The following GNAI2 variants were observed in gnomAD, a reference collection of about 807,000 sequenced individuals.
GNAI2 encodes G protein subunit alpha i2, also known as guanine nucleotide-binding protein G(i) subunit alpha-2.
In GNAI2, 4 loss-of-function variants were observed where a neutral mutation model predicts 36.8. That is an observed-to-expected ratio of 0.11 (90% confidence interval 0.05 to 0.25). The LOEUF is 0.25. Ranked by LOEUF, GNAI2 falls within the 10% of genes least tolerant of loss-of-function variation. GNAI2 has a pLI of 1.00. For missense variants in GNAI2, 230 were observed against 481.3 expected (o/e 0.48, Z 4.89); for synonymous variants, 194 against 194.1 (o/e 1.00, Z 0.01).
upstream of GNAI2, among the ~76,000 whole-genome samples, chr3:50,234,211 C>A (rs189548054): frequency 6.8e-6 from 1 of 146,606 alleles, no homozygotes; most frequent in African/African-American, 2.5e-5. Flanking sequence ...GTACTACAGG[C>A]GCCCGCCACC....
In GNAI2 at chr3:50,253,194, C is replaced by T; in HGVS notation, c.464+10C>T. ...ACGACTCAGCTGCCTAGTGAGTGCT[C>T]TGAGGGGCTGGGCAGGGCAGGGCAG... On this transcript the variant is annotated intron_variant, in intron 4 of 8. Transcript: ENST00000313601. The surrounding 1 kb of genome is among the most constrained non-coding windows in gnomAD (Gnocchi z 4.2). The T allele has an allele frequency of 1.2e-6, 2 of 1,602,062 alleles. No homozygotes were observed. Among genetic ancestry groups the T allele is most frequent in the Non-Finnish European group, 1.7e-6 (2 of 1,170,404 alleles).
upstream of GNAI2, among the ~76,000 whole-genome samples, chr3:50,234,423 C>G: frequency 6.6e-6 from 1 of 151,144 alleles, no homozygotes; most frequent in South Asian, 2.1e-4. Flanking sequence ...ATGATCTCAG[C>G]TCACTGCAAC....
At position 50,247,153 on chromosome 3, in the gene GNAI2, A is replaced by T. The variant is rs1559770581; in HGVS notation, c.119-4947A>T. On this transcript the variant is annotated intron_variant, in intron 1 of 8. Coordinates refer to ENST00000313601, the MANE Select transcript of GNAI2 (RefSeq NM_002070.4). ...ACCTGAATGCTCACATGTGCCCCACACTGTGAGAAGAGCTTTGCATTTAAT... is the reference window on the plus strand; with the variant it reads ...ACCTGAATGCTCACATGTGCCCCACTCTGTGAGAAGAGCTTTGCATTTAAT... 4 of 695,532 alleles carry T rather than the reference A, an allele frequency of 5.8e-6. No individual in the cohort carries two copies. The East Asian group carries it at 1.1e-4, about 19-fold the overall frequency. The allele number at this position is 695,532 out of a possible 1,614,324, so 43.1% of individuals were successfully genotyped here.
At position 50,252,660 on chromosome 3, in the gene GNAI2, T is replaced by G; in HGVS notation, c.303+122T>G. ...GCCGAGGCGGGTGGATCACCTGAGGTCAGGACCAGCCTGGCCAACTTGGTG... is the reference window on the plus strand; with the variant it reads ...GCCGAGGCGGGTGGATCACCTGAGGGCAGGACCAGCCTGGCCAACTTGGTG... On this transcript the variant is annotated intron_variant, in intron 3 of 8. Coordinates refer to ENST00000313601, the MANE Select transcript of GNAI2 (RefSeq NM_002070.4). The surrounding 1 kb of genome is among the most constrained non-coding windows in gnomAD (Gnocchi z 4.1). 1.2e-6 allele frequency: 1 copy of G among 824,780 alleles called. No individual in the cohort carries two copies. The highest frequency in any genetic ancestry group is 1.9e-6 in the Non-Finnish European group (1 of 519,914). 51.1% of individuals were successfully genotyped at this position (824,780 alleles called of 1,614,324 possible).
At chr3:50,237,415 A>C (rs1450448352) in intron 1 of GNAI2, among the ~76,000 whole-genome samples, 1 of 152,152 alleles carries the variant, frequency 6.6e-6, no homozygotes, top group Admixed American at 6.5e-5. Context: ...TGGCTGCTAG[A>C]GGAGTGGGGG....
chr3:50,232,096 G>A (rs587694709), upstream of GNAI2, among the ~76,000 whole-genome samples: 15 of 151,628 alleles, frequency 9.9e-5, no homozygotes, highest in African/African-American at 3.4e-4. Flanking sequence ...TTGGGAGGCC[G>A]AGGCAGGCAG....
rs1431264220 is a variant in GNAI2 at position 50,252,262 on chromosome 3, A to G, written c.161+120A>G. On this transcript the variant is annotated intron_variant, in intron 2 of 8. Transcript: ENST00000313601. This position sits in a 1 kb window ranked among gnomAD's most constrained non-coding sequence, Gnocchi z 4.1. Reference sequence around the variant, plus strand: ...TTAGCCAGGCCCAGAATCTTCTGAGAAGCAGAAGGACCCTCAGGTCCCAGT... The same window carrying G: ...TTAGCCAGGCCCAGAATCTTCTGAGGAGCAGAAGGACCCTCAGGTCCCAGT... 7.2e-7 allele frequency: 1 copy of G among 1,388,472 alleles called. No homozygotes were observed. The highest frequency in any genetic ancestry group is 1.0e-6 in the Non-Finnish European group (1 of 984,146). The allele number at this position is 1,388,472 out of a possible 1,614,324, so 86.0% of individuals were successfully genotyped here. A position where few individuals can be genotyped will look rare whatever the true frequency, so the allele number is the denominator to read the frequency against.
rs1212504651 is a variant in GNAI2, at chr3:50,255,127, C to T, written c.465-1065C>T. 6.6e-6 allele frequency among the ~76,000 whole-genome samples: 1 copy of T among 152,202 alleles called. No individual in the cohort carries two copies. The highest frequency in any genetic ancestry group is 2.4e-5 in the African/African-American group (1 of 41,450). On this transcript the variant is annotated intron_variant, in intron 4 of 8. Transcript: ENST00000313601. This position sits in a 1 kb window ranked among gnomAD's most constrained non-coding sequence, Gnocchi z 4.0. ...TGTTTTGTCCCTGCTACTCTGAGAT[C>T]ATTTCCCTCTGGCCTGGTTTGGCCT...
chr3:50,251,536 G>T, intron 1 of GNAI2: 6 of 1,168,560 alleles, frequency 5.1e-6, no homozygotes, highest in Non-Finnish European at 6.5e-6. Context: ...CATCTGCTCA[G>T]GGCAGACCTG....
Position 50,258,794 on chromosome 3 carries a change from G to C in GNAI2, c.*451G>C. ...CCAGTCCCCCAACCCCAGCCGCTCG[G>C]AGGCCCCAAAGGAAAAAGCACAAGA... On this transcript the variant is annotated 3_prime_UTR_variant, in exon 9 of 9. Transcript: ENST00000313601. 2.5e-6 allele frequency: 1 copy of C among 398,538 alleles called. No individual in the cohort carries two copies. Among genetic ancestry groups the C allele is most frequent in the South Asian group, 1.8e-5 (1 of 54,084 alleles). 24.7% of individuals were successfully genotyped at this position (398,538 alleles called of 1,614,324 possible). A position where few individuals can be genotyped will look rare whatever the true frequency, so the allele number is the denominator to read the frequency against.
intron 1 of GNAI2, among the ~76,000 whole-genome samples, chr3:50,246,202 G>A (rs587768602): frequency 2.0e-5 from 3 of 152,350 alleles, no homozygotes; most frequent in African/African-American, 7.2e-5. Flanking sequence ...CATGGTTTCT[G>A]TGTGTGCCGA....
chr3:50,246,578 C>T (rs1363579844), intron 1 of GNAI2, among the ~76,000 whole-genome samples: 10 of 152,178 alleles, frequency 6.6e-5, no homozygotes, highest in Admixed American at 5.2e-4. Context: ...GCAGTGTGGG[C>T]GGGCCTGGTG....
chr3:50,233,329 C>T (rs367650225), upstream of GNAI2, among the ~76,000 whole-genome samples: 3 of 152,176 alleles, frequency 2.0e-5, no homozygotes, highest in East Asian at 5.8e-4. Context: ...GTCTGTGTTG[C>T]GCCCACCTAC....
upstream of GNAI2, chr3:50,227,098 G>C: frequency 2.2e-6 from 3 of 1,334,158 alleles, no homozygotes; most frequent in Non-Finnish European, 2.9e-6. The surrounding 1 kb of genome is among the most constrained non-coding windows in gnomAD (Gnocchi z 5.9). Flanking sequence ...CTGTGAAGTG[G>C]AAGCGCGAGA....
chr3:50,256,172 C>CT lies in GNAI2; in HGVS notation c.465-19dup. The CT allele has an allele frequency of 2.5e-5, 33 of 1,345,612 alleles. No individual in the cohort carries two copies. Among genetic ancestry groups the CT allele is most frequent in the Admixed American group, 2.3e-4 (13 of 56,018 alleles). The allele number at this position is 1,345,612 out of a possible 1,614,324, so 83.4% of individuals were successfully genotyped here. On this transcript the variant is annotated intron_variant, in intron 4 of 8. Coordinates refer to ENST00000313601, the MANE Select transcript of GNAI2 (RefSeq NM_002070.4). Reference sequence around the variant, plus strand: ...AGCCCCATGCTGGCCCCCACTGACCCTCCCACCCCCCATCCCCAGCTACCT... The same window carrying CT: ...AGCCCCATGCTGGCCCCCACTGACCCTTCCCACCCCCCATCCCCAGCTACCT...
intron 1 of GNAI2, among the ~76,000 whole-genome samples, chr3:50,243,964 C>T (rs139840863): frequency 3.0e-4 from 45 of 151,922 alleles, no homozygotes; most frequent in African/African-American, 6.0e-4. Flanking sequence ...GAAGGTGGGA[C>T]CCAAGACTCT....
chr3:50,256,622 A>T, intron 5 of GNAI2, 101 bp from the exon 6 acceptor site: 1 of 1,280,304 alleles, frequency 7.8e-7, no homozygotes, highest in Non-Finnish European at 1.1e-6. Flanking sequence ...TAGCTGCCCT[A>T]CTCTGGGCAG....
chr3:50,244,025 CTTTTTTTTTTTT>C, intron 1 of GNAI2, among the ~76,000 whole-genome samples: 1 of 120,402 alleles, frequency 8.3e-6, no homozygotes, highest in Non-Finnish European at 1.7e-5. Flanking sequence ...CCCTCCACTC[CTTTTTTTTTTTT>C]TTTTTTTTTG....
In GNAI2 at chr3:50,256,655, C is replaced by A. The variant is rs587692463; in HGVS notation, c.594-68C>A. 7.7e-6 allele frequency: 12 copies of A among 1,562,470 alleles called. No homozygotes were observed. The East Asian group carries it at 2.5e-4, about 32-fold the overall frequency. ...CAGGCCTCTGTCCTCAGTCAGCCAA[C>A]CTGAGAAATGGGGTAGAAAGCCTCC... On this transcript the variant is annotated intron_variant, in intron 5 of 8. Transcript: ENST00000313601.
Sources: allele counts gnomAD v4.1 joint callset (sites outside exome capture counted in the v4.1 genomes callset), GRCh38; gene constraint gnomAD v4.1.1; non-coding constraint Gnocchi (gnomAD v3.1); transcripts MANE v1.5; gene names NCBI Gene and HGNC (gene_info 2026-07-23, HGNC 2026-07-21).